The following SLC44A1 variants were observed in gnomAD, a reference collection of about 807,000 sequenced individuals.
SLC44A1 encodes solute carrier family 44 member 1, also known as choline transporter-like protein 1.
A neutral mutation model predicts 79.3 loss-of-function variants in SLC44A1; 26 were observed. That is an observed-to-expected ratio of 0.33 (90% CI 0.24 to 0.46). The LOEUF (loss-of-function observed/expected upper bound fraction) is 0.46. SLC44A1 is among the 20% of genes least tolerant of loss of function. The pLI is 1.00. For synonymous variants in SLC44A1, 263 were observed against 286.2 expected, an observed-to-expected ratio of 0.92 and a Z score of 0.82; for missense variants, 688 against 798.1, an observed-to-expected ratio of 0.86 and a Z score of 1.66.
intron 1 of SLC44A1, among the ~76,000 whole-genome samples, chr9:105,268,328 T>C (rs951712489): frequency 6.6e-6 from 1 of 152,034 alleles, no homozygotes; most frequent in African/African-American, 2.4e-5. Context: ...CTTTTTCGAG[T>C]GTACTAGGTC....
At chr9:105,342,288 C>A (rs1285514788) in intron 4 of SLC44A1, among the ~76,000 whole-genome samples, 2 of 152,196 alleles carry the variant, frequency 1.3e-5, no homozygotes, top group African/African-American at 4.8e-5. Context: ...CCTGCCCCAT[C>A]CCACCCAGAT....
At chr9:105,424,816 G>A (rs1006865884) in intron 15 of SLC44A1, among the ~76,000 whole-genome samples, 4 of 151,840 alleles carry the variant, frequency 2.6e-5, no homozygotes, top group Non-Finnish European at 5.9e-5. Flanking sequence ...GCGTGATGGT[G>A]CACACCTGTA....
chr9:105,402,975 C>CTTTTTTTT (rs780060821), intron 15 of SLC44A1, among the ~76,000 whole-genome samples: 2 of 66,378 alleles, frequency 3.0e-5, no homozygotes, highest in African/African-American at 1.5e-4. Flanking sequence ...TCACACCCAG[C>CTTTTTTTT]TTTTTTTTTT....
At position 105,385,520 on chromosome 9, in the gene SLC44A1, G is replaced by C; in HGVS notation, c.1950+18G>C. 6.4e-7 allele frequency: 1 copy of C among 1,561,576 alleles called. No homozygotes were observed. Among genetic ancestry groups the C allele is most frequent in the Non-Finnish European group, 8.7e-7 (1 of 1,152,006 alleles). On this transcript the variant is annotated intron_variant, in intron 15 of 15. Transcript: ENST00000374720. The stretch of plus-strand genomic sequence containing the variant: ...AGCCGATGGTAGGTGGAGATGAGGA[G>C]GTGGCCGCCCTCCAAGAATTTCACT...
In SLC44A1 at chr9:105,356,177, A is replaced by AT. The variant is rs746219401; in HGVS notation, c.501-27dup. The AT allele has an allele frequency of 1.4e-5, 22 of 1,571,836 alleles. 1 individual carries two copies. Among genetic ancestry groups the AT allele is most frequent in the South Asian group, 6.7e-5 (6 of 89,256 alleles). On this transcript the variant is annotated intron_variant, in intron 5 of 15. Coordinates refer to ENST00000374720, the MANE Select transcript of SLC44A1 (RefSeq NM_080546.5). The stretch of plus-strand genomic sequence containing the variant: ...GTGGCATTTATATTAAGTAGGAGTA[A>AT]TTTTTTTTCTGATTTTTTTTTCTTG...
intron 4 of SLC44A1, among the ~76,000 whole-genome samples, chr9:105,341,360 A>AAAC (rs1827084405): frequency 1.3e-5 from 2 of 151,494 alleles, no homozygotes; most frequent in East Asian, 1.9e-4. Context: ...AAGAAAAAGA[A>AAAC]AATAATAATA....
At chr9:105,351,616 A>AG (rs1827433048) in intron 5 of SLC44A1, among the ~76,000 whole-genome samples, 223 of 58,464 alleles carry the variant, frequency 3.8e-3, no homozygotes, top group Middle Eastern at 8.2e-3. Flanking sequence ...GAAAGAAAGA[A>AG]AGAAAGAGAG....
chr9:105,249,099 TC>T (rs1160757818), intron 1 of SLC44A1, among the ~76,000 whole-genome samples: 1 of 152,222 alleles, frequency 6.6e-6, no homozygotes, highest in Non-Finnish European at 1.5e-5. Flanking sequence ...GTCCACTGTC[TC>T]ATCCCATTGT....
intron 4 of SLC44A1, among the ~76,000 whole-genome samples, chr9:105,338,465 AG>A (rs1476112553): frequency 6.8e-4 from 104 of 152,252 alleles, no homozygotes; most frequent in African/African-American, 2.4e-3. Flanking sequence ...TCTAGGCTGT[AG>A]TACAGTGGCA....
At chr9:105,359,257 T>C (rs1827713049) in intron 7 of SLC44A1, among the ~76,000 whole-genome samples, 1 of 152,176 alleles carries the variant, frequency 6.6e-6, no homozygotes, top group African/African-American at 2.4e-5. Context: ...AATCAGTTAT[T>C]TGGAAATAAA....
At chr9:105,436,294 A>G (rs1388215349) in intron 15 of SLC44A1, among the ~76,000 whole-genome samples, 3 of 152,264 alleles carry the variant, frequency 2.0e-5, no homozygotes, top group Non-Finnish European at 4.4e-5. Flanking sequence ...GCATAAGCCT[A>G]GTGACTAGGC....
At chr9:105,408,055 C>G (rs7859070) in intron 15 of SLC44A1, among the ~76,000 whole-genome samples, 13,584 of 149,786 alleles carry the variant, frequency 0.091, 2,008 homozygotes, top group African/African-American at 0.32. Context: ...AATCCCAGCT[C>G]AGGCAGGAGA....
rs1828779222 is a variant in SLC44A1 at position 105,392,345 on chromosome 9, A to T, written c.*3289A>T. ...TAAGGAGGAGGCACTTACTGAGTTTATTTTAAAGTTATGCTAGAAATGTTT... is the reference window on the plus strand; with the variant it reads ...TAAGGAGGAGGCACTTACTGAGTTTTTTTTAAAGTTATGCTAGAAATGTTT... On this transcript the variant is annotated 3_prime_UTR_variant, in exon 16 of 16. Coordinates refer to ENST00000374720, the MANE Select transcript of SLC44A1 (RefSeq NM_080546.5). 2.1e-6 allele frequency: 2 copies of T among 973,680 alleles called. No individual in the cohort carries two copies. The highest frequency in any genetic ancestry group is 2.4e-6 in the Non-Finnish European group (2 of 826,610). 60.3% of individuals were successfully genotyped at this position (973,680 alleles called of 1,614,324 possible).
intron 1 of SLC44A1, among the ~76,000 whole-genome samples, chr9:105,257,116 GA>G (rs1829727436): frequency 6.8e-6 from 1 of 148,068 alleles, no homozygotes; most frequent in African/African-American, 2.5e-5. Context: ...TTTTCTTTGA[GA>G]CGGAGTTTCG....
chr9:105,422,379 C>G (rs1829264357), intron 15 of SLC44A1, among the ~76,000 whole-genome samples: 2 of 148,674 alleles, frequency 1.3e-5, no homozygotes, highest in Admixed American at 7.0e-5. Context: ...ACCTCTGCAT[C>G]CCGGGTTCAA....
intron 9 of SLC44A1, 139 bp downstream of exon 9, chr9:105,363,146 C>T: frequency 1.5e-6 from 1 of 647,180 alleles, no homozygotes; most frequent in South Asian, 2.1e-5. Flanking sequence ...GTTATGGCTC[C>T]TCAACAACCT....
rs904838592 is a variant in SLC44A1, at chr9:105,389,260, A to G, written c.*204A>G. On this transcript the variant is annotated 3_prime_UTR_variant, in exon 16 of 16. Transcript: ENST00000374720. ...CCTTTTTTATGCTTATTTTTGTCAA[A>G]CATGTACTCCTTTCATACGGGTGGC... is the stretch of plus-strand genomic sequence containing the variant. 4.5e-5 allele frequency: 56 copies of G among 1,249,880 alleles called. No individual in the cohort carries two copies. The highest frequency in any genetic ancestry group is 3.8e-5 in the Non-Finnish European group (38 of 993,442). 77.4% of individuals were successfully genotyped at this position (1,249,880 alleles called of 1,614,324 possible).
At chr9:105,412,723 T>C (rs1041796756) in intron 15 of SLC44A1, among the ~76,000 whole-genome samples, 2 of 152,026 alleles carry the variant, frequency 1.3e-5, no homozygotes, top group Non-Finnish European at 2.9e-5. Context: ...TGCCTCAGCC[T>C]CCCGAGTAGC....
rs1828827673 is a variant in SLC44A1 at position 105,394,298 on chromosome 9, T to C, written c.*5242T>C. ...AATCATTTTTATAACTTAAAGACTTTATGTAATTTAGTAGCAGGTTAGGGA... is the reference window on the plus strand; with the variant it reads ...AATCATTTTTATAACTTAAAGACTTCATGTAATTTAGTAGCAGGTTAGGGA... On this transcript the variant is annotated 3_prime_UTR_variant, in exon 16 of 16. Transcript: ENST00000374720. The C allele has an allele frequency of 2.0e-6, 2 of 985,242 alleles. No individual in the cohort carries two copies. Among genetic ancestry groups the C allele is most frequent in the Non-Finnish European group, 2.4e-6 (2 of 829,886 alleles). 61.0% of individuals were successfully genotyped at this position (985,242 alleles called of 1,614,324 possible). A position where few individuals can be genotyped will look rare whatever the true frequency, so the allele number is the denominator to read the frequency against.
Sources: gnomAD v4.1 joint callset for allele counts (sites outside exome capture counted in the v4.1 genomes callset) on GRCh38, gnomAD v4.1.1 for gene constraint, MANE v1.5 for transcripts, NCBI Gene and HGNC (gene_info 2026-07-23, HGNC 2026-07-21) for gene names.